DAPP1: variants seen among roughly 807,000 people sequenced by gnomAD.
DAPP1 encodes the protein dual adaptor of phosphotyrosine and 3-phosphoinositides 1, also known as dual adapter for phosphotyrosine and 3-phosphotyrosine and 3-phosphoinositide.
Under a neutral mutation model 41.5 loss-of-function variants are expected in DAPP1, and 20 were observed. That is an observed-to-expected ratio of 0.48 (90% CI 0.34 to 0.70). The LOEUF (loss-of-function observed/expected upper bound fraction) is 0.70. Ranked by LOEUF, DAPP1 falls within the 30% of genes least tolerant of loss-of-function variation. The pLI is 0.01. For missense variants in DAPP1, 233 were observed against 333.4 expected (o/e 0.70, Z 2.35); for synonymous variants, 113 against 116.2 (o/e 0.97, Z 0.18).
At chr4:99,832,452 A>G (rs1723158578) in intron 1 of DAPP1, among the ~76,000 whole-genome samples, 1 of 152,214 alleles carries the variant, frequency 6.6e-6, no homozygotes, top group African/African-American at 2.4e-5. Context: ...TGGAAAAGCT[A>G]TTTGGGGAAT....
At chr4:99,833,927 C>T (rs776550595) in intron 1 of DAPP1, among the ~76,000 whole-genome samples, 18 of 152,164 alleles carry the variant, frequency 1.2e-4, no homozygotes, top group Non-Finnish European at 2.4e-4. Context: ...TTAATGTGTG[C>T]AGGACTCACA....
At chr4:99,855,578 A>C (rs376459310) in intron 4 of DAPP1, among the ~76,000 whole-genome samples, 16 of 152,304 alleles carry the variant, frequency 1.1e-4, no homozygotes, top group African/African-American at 3.6e-4. Context: ...CACACTATAT[A>C]ATGACAAGCT....
At chr4:99,831,500 A>C (rs7688737) in intron 1 of DAPP1, among the ~76,000 whole-genome samples, 1 of 151,896 alleles carries the variant, frequency 6.6e-6, no homozygotes, top group Non-Finnish European at 1.5e-5. Flanking sequence ...TTAGCACTCC[A>C]CTTTATTTAT....
intron 2 of DAPP1, among the ~76,000 whole-genome samples, chr4:99,837,153 G>A (rs1280655652): frequency 2.0e-5 from 3 of 152,214 alleles, no homozygotes; most frequent in Admixed American, 6.5e-5. Flanking sequence ...CTGTTTTACA[G>A]GGCTCATGTG....
rs756447109 is a variant in DAPP1, at chr4:99,853,370, C to G, written c.489+22C>G. The G allele has an allele frequency of 5.6e-6, 9 of 1,594,222 alleles. 1 individual carries two copies. The South Asian group carries it at 1.0e-4, about 18-fold the overall frequency. On this transcript the variant is annotated intron_variant, in intron 4 of 8. Transcript: ENST00000512369. Reference sequence around the variant, plus strand: ...TTCTGTAAGTGACCTTCAACGTGACCACAAGCTCTCTCCCTGTCTAAAATC... The same window carrying G: ...TTCTGTAAGTGACCTTCAACGTGACGACAAGCTCTCTCCCTGTCTAAAATC...
At chr4:99,866,551 G>A (rs1196814322) in intron 8 of DAPP1, 1 of 766,164 alleles carries the variant, frequency 1.3e-6, no homozygotes, top group Admixed American at 1.7e-5. Flanking sequence ...GCATCACTTT[G>A]TGCAGGTCAA....
intron 3 of DAPP1, among the ~76,000 whole-genome samples, chr4:99,850,844 ATATGT>A (rs3834227): frequency 0.27 from 41,142 of 151,868 alleles, 6,049 homozygotes; most frequent in African/African-American, 0.39. Context: ...ATAATATCTA[ATATGT>A]TATCATTCTC....
At chr4:99,818,715 A>G (rs943702054) in intron 1 of DAPP1, among the ~76,000 whole-genome samples, 2 of 152,116 alleles carry the variant, frequency 1.3e-5, no homozygotes, top group Non-Finnish European at 2.9e-5. Context: ...ATTCATGGCC[A>G]GATTTCCCTA....
chr4:99,871,923 A>T (rs928810383), downstream of DAPP1, among the ~76,000 whole-genome samples: 22 of 152,184 alleles, frequency 1.4e-4, no homozygotes, highest in African/African-American at 5.1e-4. Context: ...CAAAGATGGC[A>T]CCCTTGGCCT....
intron 8 of DAPP1, among the ~76,000 whole-genome samples, chr4:99,866,792 C>G (rs1313495837): frequency 1.7e-5 from 2 of 120,508 alleles, no homozygotes; most frequent in Non-Finnish European, 3.3e-5. Context: ...TTTTTTGAGA[C>G]AGAGTCTCGT....
At chr4:99,870,782 C>T (rs1724612140), downstream of DAPP1, among the ~76,000 whole-genome samples, 1 of 152,160 alleles carries the variant, frequency 6.6e-6, no homozygotes, top group Non-Finnish European at 1.5e-5. Flanking sequence ...CTGGGAAAAT[C>T]CTGGCCCACA....
intron 4 of DAPP1, 133 bp downstream of exon 4, chr4:99,853,481 G>C (rs17029601): frequency 8.0e-7 from 1 of 1,255,022 alleles, no homozygotes; most frequent in Non-Finnish European, 1.1e-6. Flanking sequence ...AGGAATGTGA[G>C]ATTTGAAGCC....
At chr4:99,862,316 ATCC>A (rs1724266860) in intron 5 of DAPP1, among the ~76,000 whole-genome samples, 1 of 152,180 alleles carries the variant, frequency 6.6e-6, no homozygotes, top group African/African-American at 2.4e-5. Flanking sequence ...TTATGTTTAA[ATCC>A]TCTGTTACTT....
intron 2 of DAPP1, among the ~76,000 whole-genome samples, chr4:99,836,144 C>T (rs17539393): frequency 0.063 from 9,567 of 152,210 alleles, 390 homozygotes; most frequent in Non-Finnish European, 0.1. Flanking sequence ...TATGACTGTA[C>T]GGCTTTCATA....
intron 5 of DAPP1, among the ~76,000 whole-genome samples, chr4:99,862,000 A>T (rs537457780): frequency 2.9e-4 from 44 of 152,362 alleles, no homozygotes; most frequent in Middle Eastern, 3.4e-3. Context: ...GGCCAAAAAC[A>T]TCACTGATGC....
intron 4 of DAPP1, among the ~76,000 whole-genome samples, chr4:99,856,560 A>G (rs766941360): frequency 6.6e-6 from 1 of 152,188 alleles, no homozygotes; most frequent in African/African-American, 2.4e-5. Context: ...TTCAAAGAGC[A>G]GCACCTCCCA....
intron 4 of DAPP1, 142 bp downstream of exon 4, chr4:99,853,490 C>T (rs967763295): frequency 2.5e-6 from 3 of 1,182,788 alleles, no homozygotes; most frequent in African/African-American, 1.5e-5. Context: ...AGATTTGAAG[C>T]CTATGACTCA....
At chr4:99,845,726 A>G (rs1723644310) in intron 3 of DAPP1, among the ~76,000 whole-genome samples, 1 of 152,194 alleles carries the variant, frequency 6.6e-6, no homozygotes. Context: ...ATGAATTGCT[A>G]TTTCAGAAAT....
intron 8 of DAPP1, chr4:99,866,766 A>ATTTTTTTTTTTTTTTTT (rs11315402): frequency 2.9e-6 from 1 of 343,172 alleles, no homozygotes; most frequent in African/African-American, 3.0e-5. Flanking sequence ...CTTTTTTTCT[A>ATTTTTTTTTTTTTTTTT]TTTTTTTTTT....
Sources: allele counts gnomAD v4.1 joint callset (sites outside exome capture counted in the v4.1 genomes callset), GRCh38; gene constraint gnomAD v4.1.1; transcripts MANE v1.5; gene names NCBI Gene and HGNC (gene_info 2026-07-23, HGNC 2026-07-21).